Variants in ZSWIM6 observed in about 807,000 individuals in gnomAD.
ZSWIM6 encodes zinc finger SWIM domain-containing protein 6.
Under a neutral mutation model 113.2 loss-of-function variants are expected in ZSWIM6, and 9 were observed. The observed-to-expected ratio is 0.08, with a 90% CI of 0.05 to 0.14. ZSWIM6 has a LOEUF of 0.14. Ranked by LOEUF, ZSWIM6 falls within the 10% of genes least tolerant of loss-of-function variation. ZSWIM6 has a pLI of 1.00. For synonymous variants in ZSWIM6, 611 were observed against 606.5 expected, an observed-to-expected ratio of 1.01 and a Z score of -0.11; for missense variants, 1,162 against 1,552.2, an observed-to-expected ratio of 0.75 and a Z score of 4.22.
intron 1 of ZSWIM6, among the ~76,000 whole-genome samples, chr5:61,345,386 T>C (rs1487687929): frequency 6.6e-6 from 1 of 152,218 alleles, no homozygotes; most frequent in Non-Finnish European, 1.5e-5. Flanking sequence ...GTTATGTAGA[T>C]TGTGTTTGCA....
intron 1 of ZSWIM6, among the ~76,000 whole-genome samples, chr5:61,364,944 A>G (rs563344089): frequency 1.3e-5 from 2 of 152,284 alleles, no homozygotes; most frequent in African/African-American, 4.8e-5. Context: ...GGCAGAGTTG[A>G]GTAGTTATGA....
At chr5:61,392,268 A>C (rs890432566) in intron 1 of ZSWIM6, among the ~76,000 whole-genome samples, 18 of 152,258 alleles carry the variant, frequency 1.2e-4, no homozygotes, top group Admixed American at 1.1e-3. Flanking sequence ...AGTTGCATCC[A>C]AACTGGCTAC....
chr5:61,441,102 G>A (rs1011817609), intron 1 of ZSWIM6, among the ~76,000 whole-genome samples: 2 of 152,266 alleles, frequency 1.3e-5, no homozygotes, highest in Middle Eastern at 3.4e-3. Context: ...TTTGGCAGAG[G>A]AAATTGCATG....
intron 1 of ZSWIM6, among the ~76,000 whole-genome samples, chr5:61,447,306 C>T (rs761929002): frequency 6.6e-6 from 1 of 152,122 alleles, no homozygotes; most frequent in Non-Finnish European, 1.5e-5. Flanking sequence ...AACACATATA[C>T]AAACAATTAC....
At chr5:61,515,360 C>G (rs1372385733) in intron 4 of ZSWIM6, among the ~76,000 whole-genome samples, 1 of 152,070 alleles carries the variant, frequency 6.6e-6, no homozygotes, top group African/African-American at 2.4e-5. Flanking sequence ...TTCTCAAACT[C>G]CTGACCTTAG....
At chr5:61,455,852 T>G (rs371363017) in intron 1 of ZSWIM6, among the ~76,000 whole-genome samples, 1 of 124,062 alleles carries the variant, frequency 8.1e-6, no homozygotes, top group East Asian at 2.8e-4. Flanking sequence ...TTAACACTGT[T>G]AAGGAAGCTA....
At chr5:61,353,307 A>G (rs1028113969) in intron 1 of ZSWIM6, among the ~76,000 whole-genome samples, 2 of 152,218 alleles carry the variant, frequency 1.3e-5, no homozygotes, top group Non-Finnish European at 2.9e-5. Context: ...GTGCTTTACA[A>G]GCATGATTTC....
intron 1 of ZSWIM6, among the ~76,000 whole-genome samples, chr5:61,452,832 T>C (rs1050520827): frequency 6.6e-6 from 1 of 152,240 alleles, no homozygotes; most frequent in South Asian, 2.1e-4. Flanking sequence ...GATACCATAT[T>C]GTATTTACTC....
chr5:61,455,792 G>A (rs1214461170), intron 1 of ZSWIM6, among the ~76,000 whole-genome samples: 1 of 91,756 alleles, frequency 1.1e-5, no homozygotes, highest in Non-Finnish European at 2.2e-5. Flanking sequence ...TCCCCGCCCC[G>A]GCCTTCTCCT....
rs1314258662 is a variant in ZSWIM6, at chr5:61,543,466, C to T, written c.2797C>T (p.Leu933=). The T allele has an allele frequency of 3.2e-6, 5 of 1,550,150 alleles. No individual in the cohort carries two copies. Among genetic ancestry groups the T allele is most frequent in the Non-Finnish European group, 2.6e-6 (3 of 1,146,522 alleles). ...TGTGTTCCTTGCAGGGGTTTATGCC[C>T]TGGACAGCATCATGCAGACCTGGTT... ...TCATEVGVYA[L]DSIMQTWFTL... Residue 933 remains leucine (L), a synonymous_variant, in exon 14 of 14, where the codon CTG becomes TTG. Transcript: ENST00000252744. This position sits in a 1 kb window ranked among gnomAD's most constrained non-coding sequence, Gnocchi z 4.3.
rs773642430 is a variant in ZSWIM6, at chr5:61,466,388, A to G, written c.677-6293A>G. Among the ~76,000 whole-genome samples the G allele has an allele frequency of 4.0e-4, 61 of 152,108 alleles. No homozygotes were observed. The Middle Eastern group carries it at 0.017, about 42-fold the overall frequency. ...AAAAATTACAGAAAAACTCCTCACA[A>G]CCCTTGCCACCCTTTCAGCCATAAC... is the stretch of plus-strand genomic sequence containing the variant. On this transcript the variant is annotated intron_variant, in intron 1 of 13. Transcript: ENST00000252744.
chr5:61,462,251 T>C (rs964414827), intron 1 of ZSWIM6, among the ~76,000 whole-genome samples: 3 of 152,326 alleles, frequency 2.0e-5, no homozygotes, highest in African/African-American at 7.2e-5. Flanking sequence ...AGGGACAAGA[T>C]AGACTTGAGC....
chr5:61,457,073 A>T (rs1337410268), intron 1 of ZSWIM6, among the ~76,000 whole-genome samples: 1 of 148,460 alleles, frequency 6.7e-6, no homozygotes, highest in East Asian at 2.0e-4. Flanking sequence ...ACCCCACCAC[A>T]GTCCCCAGAG....
chr5:61,456,040 C>G (rs1747200002), intron 1 of ZSWIM6, among the ~76,000 whole-genome samples: 1 of 151,950 alleles, frequency 6.6e-6, no homozygotes, highest in Non-Finnish European at 1.5e-5. Flanking sequence ...TCTTGAAAAT[C>G]GGATCCTCAT....
chr5:61,464,272 C>T (rs528837726), intron 1 of ZSWIM6, among the ~76,000 whole-genome samples: 20 of 147,358 alleles, frequency 1.4e-4, no homozygotes, highest in Admixed American at 7.7e-4. Flanking sequence ...CCACCTGTCT[C>T]GGCCTCCCAA....
chr5:61,339,536 TTACA>T lies in ZSWIM6; in HGVS notation c.676+6591_676+6594del, dbSNP rs548098576. Among the ~76,000 whole-genome samples the T allele has an allele frequency of 1.2e-3, 183 of 152,350 alleles. 2 individuals are homozygous for T. The highest frequency in any genetic ancestry group is 4.2e-3 in the African/African-American group (175 of 41,578). ...GGTACCTTTATTTTAAGAAGCTTACTTACATATACATATGATAAAACAAACTCAG... is the reference window on the plus strand; with the variant it reads ...GGTACCTTTATTTTAAGAAGCTTACTTATACATATGATAAAACAAACTCAG... On this transcript the variant is annotated intron_variant, in intron 1 of 13. Transcript: ENST00000252744.
At chr5:61,443,286 C>G (rs1293648175) in intron 1 of ZSWIM6, among the ~76,000 whole-genome samples, 1 of 152,132 alleles carries the variant, frequency 6.6e-6, no homozygotes, top group Non-Finnish European at 1.5e-5. Flanking sequence ...CTGTGGCATA[C>G]AACAATTTAG....
intron 1 of ZSWIM6, among the ~76,000 whole-genome samples, chr5:61,348,233 C>A (rs1210423044): frequency 6.6e-6 from 1 of 151,810 alleles, no homozygotes; most frequent in Non-Finnish European, 1.5e-5. Flanking sequence ...AAACAAAAAA[C>A]AAAAGCAAGA....
At chr5:61,421,245 G>A (rs916841822) in intron 1 of ZSWIM6, among the ~76,000 whole-genome samples, 8 of 151,906 alleles carry the variant, frequency 5.3e-5, no homozygotes, top group Admixed American at 2.0e-4. Flanking sequence ...TTTTGTTTTT[G>A]TACCCATTAA....
Sources: gnomAD v4.1 joint callset for allele counts (sites outside exome capture counted in the v4.1 genomes callset) on GRCh38, gnomAD v4.1.1 for gene constraint, Gnocchi (gnomAD v3.1) non-coding constraint, MANE v1.5 for transcripts, NCBI Gene and HGNC (gene_info 2026-07-23, HGNC 2026-07-21) for gene names.